Variants in CNTNAP5 observed in about 807,000 individuals in gnomAD.
The protein encoded by CNTNAP5 is contactin-associated protein-like 5.
CNTNAP5 carries 72 observed loss-of-function variants against 150.2 expected under a neutral mutation model. The ratio of observed to expected loss-of-function variants is 0.48; its 90% confidence interval spans 0.40 to 0.58. The LOEUF (loss-of-function observed/expected upper bound fraction) is 0.58, where lower values mean the gene tolerates loss of function less well. Among genes scored for constraint, CNTNAP5 ranks in the 20% least tolerant of loss-of-function variants. CNTNAP5 has a pLI of 0.00. For missense variants in CNTNAP5, 1,636 were observed against 1,626.2 expected (o/e 1.01, Z -0.10); for synonymous variants, 672 against 619.8 (o/e 1.08, Z -1.25).
rs946065054 is a variant in CNTNAP5 at position 124,628,394 on chromosome 2, G to A, written c.1876+18474G>A. ...AGTAGAAACTGTACAAACCAGAAGA[G>A]CTTGGGGGCCAATATTCACCATTCT... On this transcript the variant is annotated intron_variant, in intron 12 of 23. Coordinates refer to ENST00000682447, the MANE Select transcript of CNTNAP5 (RefSeq NM_001367498.1). Among the ~76,000 whole-genome samples the A allele has an allele frequency of 3.9e-5, 6 of 152,272 alleles. No individual in the cohort carries two copies. In the East Asian group the frequency reaches 1.2e-3, roughly 29 times the overall value.
chr2:124,228,591 G>T (rs1686528387), intron 2 of CNTNAP5, among the ~76,000 whole-genome samples: 1 of 152,146 alleles, frequency 6.6e-6, no homozygotes, highest in Non-Finnish European at 1.5e-5. Context: ...CAAATGACAT[G>T]TGCATTTTTC....
At chr2:124,843,158 G>C (rs1163343667) in intron 19 of CNTNAP5, among the ~76,000 whole-genome samples, 1 of 152,066 alleles carries the variant, frequency 6.6e-6, no homozygotes, top group African/African-American at 2.4e-5. Context: ...ACAATGTTTG[G>C]TTTTTCATTC....
chr2:124,194,276 G>A (rs2104699136), intron 1 of CNTNAP5, among the ~76,000 whole-genome samples: 1 of 150,816 alleles, frequency 6.6e-6, no homozygotes, highest in South Asian at 2.1e-4. Context: ...ATCCAGAAAG[G>A]CCAGCTATGG....
chr2:124,500,450 C>T (rs1694250041), intron 7 of CNTNAP5, among the ~76,000 whole-genome samples: 1 of 152,106 alleles, frequency 6.6e-6, no homozygotes, highest in African/African-American at 2.4e-5. Context: ...TGGAAAATTA[C>T]TTAGAGGTAG....
chr2:124,538,499 AAGAG>A (rs1558945130), intron 10 of CNTNAP5, among the ~76,000 whole-genome samples: 1 of 151,598 alleles, frequency 6.6e-6, no homozygotes. Context: ...GAGAGAGAGA[AAGAG>A]AGACTCTGTC....
intron 3 of CNTNAP5, among the ~76,000 whole-genome samples, chr2:124,295,773 G>T (rs1688413351): frequency 6.8e-6 from 1 of 147,974 alleles, no homozygotes; most frequent in Admixed American, 6.8e-5. Context: ...GGAATGAGGT[G>T]GACAATTCCA....
chr2:124,891,302 C>T (rs1403109847), intron 21 of CNTNAP5, among the ~76,000 whole-genome samples: 1 of 152,036 alleles, frequency 6.6e-6, no homozygotes, highest in African/African-American at 2.4e-5. Flanking sequence ...AGGACCTCTC[C>T]ACAGTCTCTC....
intron 11 of CNTNAP5, among the ~76,000 whole-genome samples, chr2:124,582,695 T>G (rs939922782): frequency 2.6e-5 from 4 of 152,168 alleles, no homozygotes; most frequent in African/African-American, 7.2e-5. Flanking sequence ...ATGAAAGTTT[T>G]TTTTTCCTAA....
chr2:124,133,008 T>C (rs1683891416), intron 1 of CNTNAP5, among the ~76,000 whole-genome samples: 1 of 152,142 alleles, frequency 6.6e-6, no homozygotes. Context: ...ACAATAATAA[T>C]AGGAATAATA....
intron 12 of CNTNAP5, among the ~76,000 whole-genome samples, chr2:124,618,533 G>T (rs1573500531): frequency 1.3e-5 from 2 of 152,276 alleles, no homozygotes; most frequent in East Asian, 3.9e-4. Context: ...GAAGCAGCCA[G>T]CTCAATCCAG....
At chr2:124,118,529 C>T (rs967952789) in intron 1 of CNTNAP5, among the ~76,000 whole-genome samples, 1 of 152,164 alleles carries the variant, frequency 6.6e-6, no homozygotes, top group East Asian at 1.9e-4. Context: ...CATCATGACC[C>T]AATCTGCGTG....
chr2:124,653,531 G>A (rs1310143336), intron 13 of CNTNAP5, among the ~76,000 whole-genome samples: 2 of 151,886 alleles, frequency 1.3e-5, no homozygotes, highest in Non-Finnish European at 2.9e-5. Context: ...TACTCTTTAT[G>A]TGTCCAAACA....
At chr2:124,627,793 C>T (rs1399306663) in intron 12 of CNTNAP5, among the ~76,000 whole-genome samples, 1 of 151,986 alleles carries the variant, frequency 6.6e-6, no homozygotes, top group Non-Finnish European at 1.5e-5. Flanking sequence ...ATGTTTTAAC[C>T]CAATGCAAAG....
intron 18 of CNTNAP5, among the ~76,000 whole-genome samples, chr2:124,794,636 TTTA>T (rs1349696258): frequency 1.3e-5 from 2 of 152,198 alleles, no homozygotes; most frequent in Admixed American, 1.3e-4. Context: ...ATTTATACCA[TTTA>T]TTTTTACTTT....
chr2:124,710,952 G>T (rs1188723766), intron 13 of CNTNAP5, among the ~76,000 whole-genome samples: 1 of 151,970 alleles, frequency 6.6e-6, no homozygotes, highest in African/African-American at 2.4e-5. Flanking sequence ...TTGATTTTTT[G>T]AATTTATCAT....
chr2:124,083,258 G>C (rs1205393065), intron 1 of CNTNAP5, among the ~76,000 whole-genome samples: 1 of 152,184 alleles, frequency 6.6e-6, no homozygotes, highest in Non-Finnish European at 1.5e-5. Context: ...TGAGGCAGGA[G>C]AATTGCTTGA....
At chr2:124,212,145 C>A (rs1197010168) in intron 1 of CNTNAP5, among the ~76,000 whole-genome samples, 1 of 152,130 alleles carries the variant, frequency 6.6e-6, no homozygotes, top group African/African-American at 2.4e-5. Flanking sequence ...GGACAATGAC[C>A]TTTTTAAAAT....
At chr2:124,221,923 GA>G in intron 2 of CNTNAP5, 114 bp downstream of exon 2, 1 of 672,436 alleles carries the variant, frequency 1.5e-6, no homozygotes, top group Non-Finnish European at 2.6e-6. Context: ...CCGTCTTCAG[GA>G]AAATATTTAC....
intron 3 of CNTNAP5, among the ~76,000 whole-genome samples, chr2:124,308,093 C>G (rs1199764508): frequency 2.0e-5 from 3 of 152,306 alleles, no homozygotes; most frequent in African/African-American, 7.2e-5. Context: ...ATTTACTAAG[C>G]TCCTCCCACA....
Sources: allele counts gnomAD v4.1 joint callset (sites outside exome capture counted in the v4.1 genomes callset), GRCh38; gene constraint gnomAD v4.1.1; transcripts MANE v1.5; gene names NCBI Gene and HGNC (gene_info 2026-07-23, HGNC 2026-07-21).